TTLL5: variants seen among roughly 807,000 people sequenced by gnomAD.
TTLL5 encodes tubulin tyrosine ligase like 5, also known as tubulin polyglutamylase TTLL5.
A neutral mutation model predicts 168.4 loss-of-function variants in TTLL5; 132 were observed. The ratio of observed to expected loss-of-function variants is 0.78; its 90% CI spans 0.68 to 0.91. The LOEUF (loss-of-function observed/expected upper bound fraction) is 0.91, where lower values mean the gene tolerates loss of function less well. Ranked by LOEUF, TTLL5 falls within the 40% of genes least tolerant of loss-of-function variation. The pLI, the probability that TTLL5 is intolerant of heterozygous loss-of-function variation, is 0.00. For synonymous variants in TTLL5, 546 were observed against 558.6 expected (o/e 0.98, Z 0.32); for missense variants, 1,545 against 1,581.5 (o/e 0.98, Z 0.39).
At chr14:75,686,619 C>T (rs982921002) in intron 5 of TTLL5, among the ~76,000 whole-genome samples, 5 of 152,044 alleles carry the variant, frequency 3.3e-5, no homozygotes, top group Admixed American at 3.3e-4. Flanking sequence ...ATGCTTTTCC[C>T]CCTAAAACCA....
At chr14:75,839,282 A>T (rs772707308) in intron 28 of TTLL5, among the ~76,000 whole-genome samples, 3 of 152,102 alleles carry the variant, frequency 2.0e-5, no homozygotes, top group Admixed American at 6.5e-5. Context: ...GTTTTCGAGG[A>T]ACCATCATAC....
intron 5 of TTLL5, among the ~76,000 whole-genome samples, chr14:75,688,680 A>G (rs1885238999): frequency 6.6e-6 from 1 of 152,176 alleles, no homozygotes; most frequent in Non-Finnish European, 1.5e-5. Context: ...ATCTCGAGGT[A>G]GGTAGGGTCA....
intron 12 of TTLL5, chr14:75,732,120 C>T (rs1451524440): frequency 2.4e-6 from 1 of 417,638 alleles, no homozygotes; most frequent in African/African-American, 2.1e-5. Context: ...ATGATAAAAA[C>T]AGTGGAATTT....
At chr14:75,844,694 A>G (rs1896453715) in intron 28 of TTLL5, among the ~76,000 whole-genome samples, 1 of 152,184 alleles carries the variant, frequency 6.6e-6, no homozygotes, top group African/African-American at 2.4e-5. Context: ...CACACTAATG[A>G]TGGTAGTGGT....
At chr14:75,707,194 C>T in intron 8 of TTLL5, 107 bp downstream of exon 8, 2 of 868,258 alleles carry the variant, frequency 2.3e-6, no homozygotes, top group Admixed American at 4.2e-5. Flanking sequence ...TTGTGAAATT[C>T]TTGACATGTG....
chr14:75,673,951 A>G (rs780139559), intron 3 of TTLL5, among the ~76,000 whole-genome samples: 13 of 152,216 alleles, frequency 8.5e-5, no homozygotes, highest in Non-Finnish European at 1.9e-4. Flanking sequence ...CAAAATGTTA[A>G]AGGTGGATAA....
Position 75,906,816 on chromosome 14 carries a change from A to T in TTLL5, c.3823+4592A>T, listed in dbSNP as rs893133628. The T allele has an allele frequency of 1.1e-5, 8 of 745,896 alleles. No homozygotes were observed. In the African/African-American group the frequency reaches 1.5e-4, roughly 14 times the overall value. The allele number at this position is 745,896 out of a possible 1,614,324, so 46.2% of individuals were successfully genotyped here. A position where few individuals can be genotyped will look rare whatever the true frequency, so the allele number is the denominator to read the frequency against. ...GTTGGGGCTTTATAAACCAAAACTT[A>T]GAAGGATGCTCCCAAACTGGGTCAA... On this transcript the variant is annotated intron_variant, in intron 31 of 31. Coordinates refer to ENST00000298832, the MANE Select transcript of TTLL5 (RefSeq NM_015072.5).
At chr14:75,853,278 A>G (rs1896968845) in intron 28 of TTLL5, among the ~76,000 whole-genome samples, 1 of 152,158 alleles carries the variant, frequency 6.6e-6, no homozygotes, top group African/African-American at 2.4e-5. Context: ...GATTTTCATC[A>G]CTAATGTTAA....
At chr14:75,767,132 C>G (rs1327933795) in intron 20 of TTLL5, among the ~76,000 whole-genome samples, 2 of 150,138 alleles carry the variant, frequency 1.3e-5, no homozygotes, top group African/African-American at 4.9e-5. Flanking sequence ...CATTGCACTC[C>G]AGCCTGGGCA....
At chr14:75,937,736 C>T (rs987605900) in intron 31 of TTLL5, among the ~76,000 whole-genome samples, 2 of 152,184 alleles carry the variant, frequency 1.3e-5, no homozygotes, top group African/African-American at 4.8e-5. Context: ...TGTATGTATA[C>T]ACCACATTAT....
At chr14:75,751,613 T>C (rs1463456961) in intron 17 of TTLL5, among the ~76,000 whole-genome samples, 1 of 152,210 alleles carries the variant, frequency 6.6e-6, no homozygotes, top group Non-Finnish European at 1.5e-5. Context: ...ATTTTCCATG[T>C]AATATTTTCA....
At chr14:75,781,102 A>C (rs756559873) in intron 24 of TTLL5, among the ~76,000 whole-genome samples, 1 of 152,128 alleles carries the variant, frequency 6.6e-6, no homozygotes, top group Non-Finnish European at 1.5e-5. Context: ...AAAGCGTGCT[A>C]ATTTGGGGAG....
intron 30 of TTLL5, 87 bp downstream of exon 30, chr14:75,882,989 G>C: frequency 1.5e-6 from 2 of 1,343,274 alleles, no homozygotes; most frequent in South Asian, 1.4e-5. Flanking sequence ...AAGACCGTTC[G>C]TACTGAAGTA....
At chr14:75,779,738 A>G in intron 24 of TTLL5, 36 bp downstream of exon 24, 1 of 1,575,716 alleles carries the variant, frequency 6.3e-7, no homozygotes. Flanking sequence ...AAATAAGAAG[A>G]ACAAGTGAAG....
chr14:75,781,813 G>A (rs1376107380), intron 24 of TTLL5, among the ~76,000 whole-genome samples: 2 of 152,146 alleles, frequency 1.3e-5, no homozygotes, highest in Admixed American at 6.5e-5. Flanking sequence ...AAATTAGCCG[G>A]GTGTGGTGGC....
At chr14:75,707,475 T>C in intron 8 of TTLL5, 148 bp from the exon 9 acceptor site, 1 of 620,892 alleles carries the variant, frequency 1.6e-6, no homozygotes, top group Middle Eastern at 4.2e-4. Flanking sequence ...TTAGTTATCC[T>C]CCGAAGTCAA....
intron 31 of TTLL5, among the ~76,000 whole-genome samples, chr14:75,910,731 C>G (rs946024467): frequency 1.3e-5 from 2 of 152,178 alleles, no homozygotes; most frequent in Admixed American, 1.3e-4. Flanking sequence ...AATAGCAGGG[C>G]TTGGAGAATG....
At chr14:75,829,278 G>A (rs999953317) in intron 28 of TTLL5, among the ~76,000 whole-genome samples, 1 of 152,172 alleles carries the variant, frequency 6.6e-6, no homozygotes, top group Non-Finnish European at 1.5e-5. Flanking sequence ...TTGGCACTAT[G>A]TGAGAATCTG....
At chr14:75,789,754 A>G (rs1043663140) in intron 26 of TTLL5, among the ~76,000 whole-genome samples, 1 of 152,244 alleles carries the variant, frequency 6.6e-6, no homozygotes, top group Non-Finnish European at 1.5e-5. Flanking sequence ...ACGTACATGC[A>G]TAGGAAGACT....
Sources: allele counts gnomAD v4.1 joint callset (sites outside exome capture counted in the v4.1 genomes callset), GRCh38; gene constraint gnomAD v4.1.1; transcripts MANE v1.5; gene names NCBI Gene and HGNC (gene_info 2026-07-23, HGNC 2026-07-21).